The following WSCD1 variants were observed in gnomAD, a reference collection of about 807,000 sequenced individuals.
The protein encoded by WSCD1 is WSC domain sialate O sulfotransferase 1, also known as sialate:O-sulfotransferase 1.
A neutral mutation model predicts 60.4 loss-of-function variants in WSCD1; 41 were observed. The observed-to-expected ratio is 0.68, with a 90% CI of 0.53 to 0.88. WSCD1 has a LOEUF of 0.88. WSCD1 is among the 40% of genes least tolerant of loss of function. The pLI, the probability that WSCD1 is intolerant of heterozygous loss-of-function variation, is 0.00. For synonymous variants in WSCD1, 361 were observed against 332.5 expected (o/e 1.09, Z -0.93); for missense variants, 784 against 796.2 (o/e 0.98, Z 0.18).
At chr17:6,069,567 G>T (rs1186990532), upstream of WSCD1, among the ~76,000 whole-genome samples, 1 of 152,054 alleles carries the variant, frequency 6.6e-6, no homozygotes, top group African/African-American at 2.4e-5. Context: ...ACTGTGTGCG[G>T]TGTGGAGCAG....
chr17:6,114,854 C>A (rs192535430), intron 7 of WSCD1, among the ~76,000 whole-genome samples: 3 of 151,862 alleles, frequency 2.0e-5, no homozygotes, highest in Non-Finnish European at 4.4e-5. Context: ...CCCCCACCCC[C>A]CAACAGGCCC....
Position 6,095,692 on chromosome 17 carries a change from A to G in WSCD1, c.849+469A>G, listed in dbSNP as rs570306887. On this transcript the variant is annotated intron_variant, in intron 5 of 8. Transcript: ENST00000317744. ...GTAGAGCGTGACCCCATGGAGGGGC[A>G]GGGCTAGGCACCAAAGGCCACTGAC... Among the ~76,000 whole-genome samples, 399 of 152,342 alleles carry G rather than the reference A, an allele frequency of 2.6e-3. 2 individuals are homozygous for G. The highest frequency in any genetic ancestry group is 3.6e-3 in the Non-Finnish European group (243 of 68,022).
intron 4 of WSCD1, among the ~76,000 whole-genome samples, chr17:6,094,560 G>GAAGA (rs1334512023): frequency 1.3e-5 from 2 of 150,946 alleles, no homozygotes; most frequent in African/African-American, 2.4e-5. Flanking sequence ...AAGAAGGAAG[G>GAAGA]AAGGAAGGAA....
chr17:6,095,733 A>G (rs946410573), intron 5 of WSCD1, among the ~76,000 whole-genome samples: 5 of 152,204 alleles, frequency 3.3e-5, no homozygotes, highest in Admixed American at 2.0e-4. Context: ...ATTGCATGGT[A>G]GCTCTGGGGT....
At chr17:6,085,198 G>C (rs1046894205) in intron 2 of WSCD1, among the ~76,000 whole-genome samples, 1 of 152,164 alleles carries the variant, frequency 6.6e-6, no homozygotes, top group African/African-American at 2.4e-5. Context: ...TATGTGCCAA[G>C]CATTGTATTG....
chr17:6,118,969 T>C lies in WSCD1; in HGVS notation c.1375+781T>C, dbSNP rs1904471423. Among the ~76,000 whole-genome samples, 1 of 152,202 alleles carries C rather than the reference T, an allele frequency of 6.6e-6. No individual in the cohort carries two copies. Among genetic ancestry groups the C allele is most frequent in the African/African-American group, 2.4e-5 (1 of 41,452 alleles). ...GGAAGTCCAAGATCAAAGTGCTGGC[T>C]AATTCCATTCCCAGGAAGGGCCTGT... On this transcript the variant is annotated intron_variant, in intron 8 of 8. Coordinates refer to ENST00000317744, the MANE Select transcript of WSCD1 (RefSeq NM_015253.2). The surrounding 1 kb of genome is among the most constrained non-coding windows in gnomAD (Gnocchi z 5.8).
chr17:6,093,434 C>A (rs748259014), intron 4 of WSCD1, among the ~76,000 whole-genome samples: 3 of 152,192 alleles, frequency 2.0e-5, no homozygotes, highest in Non-Finnish European at 4.4e-5. Context: ...GCCTCATGGC[C>A]CCCTTTTGTC....
At chr17:6,092,008 G>A (rs1364492986) in intron 4 of WSCD1, among the ~76,000 whole-genome samples, 1 of 152,078 alleles carries the variant, frequency 6.6e-6, no homozygotes, top group East Asian at 1.9e-4. Flanking sequence ...TACAAAATTT[G>A]CCGGATGTGG....
At chr17:6,091,927 C>T (rs916609483) in intron 4 of WSCD1, among the ~76,000 whole-genome samples, 13 of 152,180 alleles carry the variant, frequency 8.5e-5, no homozygotes, top group East Asian at 5.8e-4. Context: ...GAGGCCAAGG[C>T]GGGCGAATCA....
intron 3 of WSCD1, among the ~76,000 whole-genome samples, chr17:6,089,205 C>T (rs748548452): frequency 2.0e-5 from 3 of 152,252 alleles, no homozygotes; most frequent in East Asian, 1.9e-4. Context: ...CATAAACATA[C>T]GTTATGGTCT....
Position 6,110,631 on chromosome 17 carries a change from TCTCTTCC to T in WSCD1, c.1010-137_1010-131del. 1.7e-6 allele frequency: 2 copies of T among 1,155,052 alleles called. No individual in the cohort carries two copies. Among genetic ancestry groups the T allele is most frequent in the Non-Finnish European group, 2.5e-6 (2 of 812,936 alleles). 71.6% of individuals were successfully genotyped at this position (1,155,052 alleles called of 1,614,324 possible). A position where few individuals can be genotyped will look rare whatever the true frequency, so the allele number is the denominator to read the frequency against. On this transcript the variant is annotated intron_variant, in intron 6 of 8. Transcript: ENST00000317744. The surrounding 1 kb of genome is among the most constrained non-coding windows in gnomAD (Gnocchi z 4.8). ...GTGCAGCTAAGGTATATTTGGAAGATCTCTTCCCTTCTTTGGGCCTTGGTTCCCCCAT... is the reference window on the plus strand; with the variant it reads ...GTGCAGCTAAGGTATATTTGGAAGATCTTCTTTGGGCCTTGGTTCCCCCAT...
intron 5 of WSCD1, 127 bp from the exon 6 acceptor site, chr17:6,109,480 C>T: frequency 7.5e-7 from 1 of 1,332,182 alleles, no homozygotes; most frequent in African/African-American, 1.4e-5. Flanking sequence ...GGATGGTGGT[C>T]ATCCCTGTGG....
chr17:6,109,539 C>T (rs2150564976), intron 5 of WSCD1, 68 bp from the exon 6 acceptor site: 1 of 1,569,138 alleles, frequency 6.4e-7, no homozygotes, highest in Non-Finnish European at 8.7e-7. Flanking sequence ...TCATCCCATT[C>T]CTGAGCCCTG....
intron 1 of WSCD1, among the ~76,000 whole-genome samples, chr17:6,077,165 T>G (rs1597349136): frequency 1.3e-5 from 2 of 150,362 alleles, no homozygotes; most frequent in East Asian, 4.0e-4. Flanking sequence ...CTTGGCTCAC[T>G]GCAACCTCCG....
At position 6,101,916 on chromosome 17, in the gene WSCD1, C is replaced by T. The variant is rs149577325; in HGVS notation, c.849+6693C>T. Among the ~76,000 whole-genome samples, 13 of 152,248 alleles carry T rather than the reference C, an allele frequency of 8.5e-5. No individual in the cohort carries two copies. Among genetic ancestry groups the T allele is most frequent in the African/African-American group, 2.6e-4 (11 of 41,530 alleles). ...GGTGCTCCGAAAGGAGGCTGATGAG[C>T]GAAATCTAACACCATCTGCAAATAG... On this transcript the variant is annotated intron_variant, in intron 5 of 8. Coordinates refer to ENST00000317744, the MANE Select transcript of WSCD1 (RefSeq NM_015253.2). This position sits in a 1 kb window ranked among gnomAD's most constrained non-coding sequence, Gnocchi z 4.1.
chr17:6,078,411 G>T (rs891870012), intron 1 of WSCD1, among the ~76,000 whole-genome samples: 1 of 152,220 alleles, frequency 6.6e-6, no homozygotes, highest in Non-Finnish European at 1.5e-5. Context: ...TTTCTCTGAG[G>T]AACAATATCT....
At chr17:6,081,371 T>C (rs1237149623) in intron 2 of WSCD1, among the ~76,000 whole-genome samples, 6 of 149,302 alleles carry the variant, frequency 4.0e-5, no homozygotes, top group Non-Finnish European at 7.4e-5. Context: ...GGCCAACAAT[T>C]TTTTTTTTTA....
At chr17:6,115,561 G>T (rs1406494002) in intron 7 of WSCD1, among the ~76,000 whole-genome samples, 1 of 151,968 alleles carries the variant, frequency 6.6e-6, no homozygotes, top group East Asian at 1.9e-4. Flanking sequence ...ATTTTCTCTG[G>T]ATTTCTTTCT....
intron 8 of WSCD1, among the ~76,000 whole-genome samples, chr17:6,119,933 G>A (rs920323853): frequency 1.3e-5 from 2 of 152,170 alleles, no homozygotes; most frequent in Non-Finnish European, 2.9e-5. Flanking sequence ...GCAAAAGTCC[G>A]AGGCCACCCC....
Sources: allele counts gnomAD v4.1 joint callset (sites outside exome capture counted in the v4.1 genomes callset), GRCh38; gene constraint gnomAD v4.1.1; non-coding constraint Gnocchi (gnomAD v3.1); transcripts MANE v1.5; gene names NCBI Gene and HGNC (gene_info 2026-07-23, HGNC 2026-07-21).